Variants in SPEF2 observed in about 807,000 individuals in gnomAD.
SPEF2 encodes the protein sperm flagellar and cilia associated 2.
SPEF2 carries 187 observed loss-of-function variants against 224.6 expected under a neutral mutation model. The observed-to-expected ratio is 0.83, with a 90% CI of 0.74 to 0.94. SPEF2 has a LOEUF of 0.94. Ranked by LOEUF, SPEF2 falls within the 40% of genes least tolerant of loss-of-function variation. SPEF2 has a pLI of 0.00. For synonymous variants in SPEF2, 715 were observed against 707.3 expected (o/e 1.01, Z -0.17); for missense variants, 2,170 against 2,135.6 (o/e 1.02, Z -0.32).
Position 35,692,462 on chromosome 5 carries a change from T to C in SPEF2, c.1745-108T>C, listed in dbSNP as rs1231082588. The C allele has an allele frequency of 7.7e-6, 6 of 782,278 alleles. No homozygotes were observed. The African/African-American group carries it at 1.0e-4, about 14-fold the overall frequency. 48.5% of individuals were successfully genotyped at this position (782,278 alleles called of 1,614,324 possible). Reference sequence around the variant, plus strand: ...AAAGAAACTTGATCCAAAAGACTGTTCTAGCGGGCCTGAAAGACAGTGTTA... The same window carrying C: ...AAAGAAACTTGATCCAAAAGACTGTCCTAGCGGGCCTGAAAGACAGTGTTA... On this transcript the variant is annotated intron_variant, in intron 11 of 36. Coordinates refer to ENST00000356031, the MANE Select transcript of SPEF2 (RefSeq NM_024867.4).
chr5:35,642,348 C>T (rs1050513644), intron 3 of SPEF2, among the ~76,000 whole-genome samples: 7 of 152,136 alleles, frequency 4.6e-5, no homozygotes, highest in African/African-American at 1.7e-4. Flanking sequence ...TCACCCTTCT[C>T]ATCTCTCCTC....
chr5:35,628,891 C>T (rs1744663940), intron 2 of SPEF2, among the ~76,000 whole-genome samples: 1 of 152,042 alleles, frequency 6.6e-6, no homozygotes, highest in Non-Finnish European at 1.5e-5. Flanking sequence ...CGCTTCTGGA[C>T]TACTCTTTAC....
At chr5:35,624,414 C>A (rs1743936796) in intron 1 of SPEF2, among the ~76,000 whole-genome samples, 1 of 152,172 alleles carries the variant, frequency 6.6e-6, no homozygotes, top group African/African-American at 2.4e-5. Context: ...CAACCTGCCT[C>A]TTTTTCCCCC....
At chr5:35,711,922 G>A (rs1018242624) in intron 19 of SPEF2, among the ~76,000 whole-genome samples, 13 of 152,198 alleles carry the variant, frequency 8.5e-5, no homozygotes, top group Admixed American at 5.2e-4. Flanking sequence ...CCAGGACCAG[G>A]GAGGAAAATA....
intron 23 of SPEF2, among the ~76,000 whole-genome samples, chr5:35,745,908 A>T (rs567310043): frequency 6.6e-6 from 1 of 152,240 alleles, no homozygotes; most frequent in Non-Finnish European, 1.5e-5. Flanking sequence ...AAGAACTGTC[A>T]TGGAGTCCAT....
intron 12 of SPEF2, 151 bp from the exon 13 acceptor site, chr5:35,694,137 C>A: frequency 1.6e-6 from 1 of 615,796 alleles, no homozygotes; most frequent in Non-Finnish European, 2.8e-6. Flanking sequence ...GAATTTAGAA[C>A]TGAAACTTTA....
chr5:35,643,529 GAA>G, intron 3 of SPEF2: 1 of 456,002 alleles, frequency 2.2e-6, no homozygotes, highest in East Asian at 7.0e-5. Context: ...TATCAGTTGA[GAA>G]AAAGAGTCAG....
At position 35,739,952 on chromosome 5, in the gene SPEF2, C is replaced by T; in HGVS notation, c.3097C>T (p.Leu1033=). 1 of 1,614,022 alleles carries T rather than the reference C, an allele frequency of 6.2e-7. No individual in the cohort carries two copies. Among genetic ancestry groups the T allele is most frequent in the Non-Finnish European group, 8.5e-7 (1 of 1,179,972 alleles). ...MPLFLVPYWE[L]IENSYINTIK... ...TTTGTTTTTAGTACCTTACTGGGAA[C>T]TAATAGAAAATTCCTATATAAACAC... Residue 1033 remains leucine (L), a synonymous_variant, in exon 22 of 37, where the codon CTA becomes TTA. Coordinates refer to ENST00000356031, the MANE Select transcript of SPEF2 (RefSeq NM_024867.4).
intron 30 of SPEF2, chr5:35,789,708 A>G (rs1365692704): frequency 6.1e-6 from 4 of 652,120 alleles, no homozygotes; most frequent in Middle Eastern, 2.4e-4. Context: ...AAATCAAGGT[A>G]ATCTATATGT....
intron 8 of SPEF2, among the ~76,000 whole-genome samples, chr5:35,665,720 T>G (rs1750381449): frequency 1.3e-5 from 2 of 152,290 alleles, no homozygotes; most frequent in Admixed American, 1.3e-4. Flanking sequence ...ATTCTTCACT[T>G]CATGAATCAT....
chr5:35,713,530 T>C (rs1181793984), intron 20 of SPEF2, among the ~76,000 whole-genome samples: 2 of 151,196 alleles, frequency 1.3e-5, no homozygotes, highest in Non-Finnish European at 2.9e-5. Flanking sequence ...GGTCAGGCGA[T>C]CAAGACCATC....
intron 8 of SPEF2, among the ~76,000 whole-genome samples, chr5:35,661,351 A>G (rs955776277): frequency 6.9e-6 from 1 of 144,882 alleles, no homozygotes; most frequent in Non-Finnish European, 1.5e-5. Flanking sequence ...ATATATACAC[A>G]CACACATATA....
intron 20 of SPEF2, among the ~76,000 whole-genome samples, chr5:35,717,164 A>C (rs1742736310): frequency 6.6e-6 from 1 of 152,226 alleles, no homozygotes; most frequent in Non-Finnish European, 1.5e-5. Flanking sequence ...GCCAAGTTAC[A>C]TCAAGTTAAA....
chr5:35,699,085 G>C (rs1755751362), intron 15 of SPEF2: 1 of 152,184 alleles, frequency 6.6e-6, no homozygotes, highest in African/African-American at 2.4e-5. Flanking sequence ...ACTGTGGAAA[G>C]ATCATTGGAT....
At chr5:35,692,161 T>C (rs977256734) in intron 11 of SPEF2, among the ~76,000 whole-genome samples, 2 of 152,076 alleles carry the variant, frequency 1.3e-5, no homozygotes, top group Admixed American at 1.3e-4. Flanking sequence ...TTGTAATCCC[T>C]GCACTTTGGA....
At chr5:35,773,266 G>A (rs1014455803) in intron 27 of SPEF2, among the ~76,000 whole-genome samples, 17 of 152,114 alleles carry the variant, frequency 1.1e-4, no homozygotes, top group Non-Finnish European at 2.4e-4. Flanking sequence ...TGTAGTCCCA[G>A]CTACTAGGGA....
intron 6 of SPEF2, 96 bp from the exon 7 acceptor site, chr5:35,654,444 G>A: frequency 1.0e-6 from 1 of 973,608 alleles, no homozygotes; most frequent in South Asian, 2.4e-5. Flanking sequence ...GTGAACTCAA[G>A]GGATCCTTCT....
rs1488247615 is a variant in SPEF2 at position 35,807,235 on chromosome 5, T to C, written c.5361T>C (p.Tyr1787=). The stretch of plus-strand genomic sequence containing the variant: ...TTATTCAAGACCTGATTTCAAATTA[T>C]TCAGACTATAAGTTTCCTGTGAGTA... The part of the protein sequence containing the change: ...HPFIQDLISN[Y]SDYKFPDIKI... The change falls in exon 36 of 37, where the codon TAT becomes TAC. Residue 1787 remains tyrosine (Y), a synonymous_variant. Transcript: ENST00000356031. The C allele has an allele frequency of 3.7e-6, 6 of 1,613,160 alleles. No homozygotes were observed. The highest frequency in any genetic ancestry group is 5.1e-6 in the Non-Finnish European group (6 of 1,179,820).
intron 1 of SPEF2, among the ~76,000 whole-genome samples, chr5:35,618,309 C>T (rs998464453): frequency 6.6e-6 from 1 of 152,172 alleles, no homozygotes; most frequent in Non-Finnish European, 1.5e-5. Context: ...CTCGAGTTAC[C>T]CTTGTCACGG....
Sources: allele counts gnomAD v4.1 joint callset (sites outside exome capture counted in the v4.1 genomes callset), GRCh38; gene constraint gnomAD v4.1.1; transcripts MANE v1.5; gene names NCBI Gene and HGNC (gene_info 2026-07-23, HGNC 2026-07-21).